IGSF21: variants seen among roughly 807,000 people sequenced by gnomAD.
IGSF21 encodes immunoglobin superfamily member 21.
Under a neutral mutation model 46.8 loss-of-function variants are expected in IGSF21, and 28 were observed. That is an observed-to-expected ratio of 0.60 (90% CI 0.44 to 0.82). The LOEUF is 0.82. Among genes scored for constraint, IGSF21 ranks in the 40% least tolerant of loss-of-function variants. The pLI is 0.00. For synonymous variants in IGSF21, 284 were observed against 273.6 expected (o/e 1.04, Z -0.38); for missense variants, 624 against 665.5 (o/e 0.94, Z 0.69).
intron 1 of IGSF21, among the ~76,000 whole-genome samples, chr1:18,144,729 C>T (rs906450354): frequency 6.6e-6 from 1 of 151,992 alleles, no homozygotes; most frequent in Admixed American, 6.6e-5. Context: ...CAGAACCTCC[C>T]CCTTGTGTCA....
At position 18,365,452 on chromosome 1, in the gene IGSF21, T is replaced by C. The variant is rs1569885128; in HGVS notation, c.770T>C (p.Leu257Pro). The change falls in exon 6 of 10, where the codon CTC becomes CCC. Residue 257 changes from leucine to proline, a missense_variant. Leu to Pro is a moderately conservative substitution (Grantham distance 98). Coordinates refer to ENST00000251296, the MANE Select transcript of IGSF21 (RefSeq NM_032880.5). This position sits in a 1 kb window ranked among gnomAD's most constrained non-coding sequence, Gnocchi z 4.8. The part of the protein sequence containing the change: ...SRGLTPDPNI[L>P]LQPTTENIPE... ...GGCCTGACCCCAGATCCCAACATCCTCCTCCAGCCAACCACAGAGAACATA... is the reference window on the plus strand; with the variant it reads ...GGCCTGACCCCAGATCCCAACATCCCCCTCCAGCCAACCACAGAGAACATA... 6.2e-7 allele frequency: 1 copy of C among 1,613,444 alleles called. No homozygotes were observed. Among genetic ancestry groups the C allele is most frequent in the Non-Finnish European group, 8.5e-7 (1 of 1,179,890 alleles).
chr1:18,129,814 T>C (rs1449523679), intron 1 of IGSF21, among the ~76,000 whole-genome samples: 2 of 152,152 alleles, frequency 1.3e-5, no homozygotes, highest in African/African-American at 4.8e-5. Context: ...GGTGATTAGG[T>C]CACGCGGGCT....
At chr1:18,240,032 C>T (rs1022069703) in intron 2 of IGSF21, among the ~76,000 whole-genome samples, 1 of 152,198 alleles carries the variant, frequency 6.6e-6, no homozygotes, top group Non-Finnish European at 1.5e-5. Context: ...AATCCCAGCA[C>T]TTTGGAAAGC....
At chr1:18,373,522 G>A (rs1164938760) in intron 6 of IGSF21, among the ~76,000 whole-genome samples, 1 of 152,172 alleles carries the variant, frequency 6.6e-6, no homozygotes, top group African/African-American at 2.4e-5. Flanking sequence ...ACCATCGGCT[G>A]CAAACGCACT....
At chr1:18,152,683 GC>G (rs1175196302) in intron 1 of IGSF21, among the ~76,000 whole-genome samples, 1 of 152,130 alleles carries the variant, frequency 6.6e-6, no homozygotes, top group Non-Finnish European at 1.5e-5. Flanking sequence ...TCACTATGGA[GC>G]TTGGTCTCTG....
chr1:18,166,409 T>A (rs528168225), intron 1 of IGSF21, among the ~76,000 whole-genome samples: 1 of 152,142 alleles, frequency 6.6e-6, no homozygotes, highest in Non-Finnish European at 1.5e-5. Context: ...TTGACCTCCC[T>A]GGCCTGAAGT....
chr1:18,257,580 T>G (rs223183), intron 2 of IGSF21, among the ~76,000 whole-genome samples: 65,331 of 151,838 alleles, frequency 0.43, 15,176 homozygotes, highest in African/African-American at 0.61. Flanking sequence ...TTTCTAGGAT[T>G]CCTGATGCAC....
At chr1:18,253,291 T>A (rs1159387138) in intron 2 of IGSF21, among the ~76,000 whole-genome samples, 1 of 152,226 alleles carries the variant, frequency 6.6e-6, no homozygotes, top group African/African-American at 2.4e-5. Context: ...TCCTGAGTCA[T>A]CTGATGGGCT....
intron 1 of IGSF21, among the ~76,000 whole-genome samples, chr1:18,130,178 T>G (rs1172110603): frequency 1.3e-5 from 2 of 151,984 alleles, no homozygotes; most frequent in African/African-American, 4.8e-5. Context: ...CCCAACCCCA[T>G]CCCACAAAAG....
At chr1:18,111,870 C>G (rs1011289081) in intron 1 of IGSF21, 1 of 152,206 alleles carries the variant, frequency 6.6e-6, no homozygotes, top group African/African-American at 2.4e-5. Context: ...TCTCTCTGGC[C>G]GCAAAGAATC....
At chr1:18,312,406 C>A (rs182090682) in intron 3 of IGSF21, among the ~76,000 whole-genome samples, 6 of 152,298 alleles carry the variant, frequency 3.9e-5, no homozygotes, top group Non-Finnish European at 7.4e-5. Context: ...TAGCAAATCG[C>A]CACCAACTTA....
chr1:18,235,889 G>C (rs917516787), intron 2 of IGSF21, among the ~76,000 whole-genome samples: 1 of 152,164 alleles, frequency 6.6e-6, no homozygotes, highest in Non-Finnish European at 1.5e-5. Context: ...ACAGTGGTTT[G>C]GTTGACTACC....
intron 4 of IGSF21, among the ~76,000 whole-genome samples, chr1:18,357,898 G>C (rs753920154): frequency 6.6e-6 from 1 of 152,142 alleles, no homozygotes; most frequent in Admixed American, 6.5e-5. Flanking sequence ...CTATGTCATC[G>C]TCCATACAAC....
chr1:18,155,382 T>C (rs1293823355), intron 1 of IGSF21, among the ~76,000 whole-genome samples: 3 of 152,108 alleles, frequency 2.0e-5, no homozygotes. Context: ...ATCTGTAAAA[T>C]GGGGATAAGG....
chr1:18,252,553 A>T (rs1214720225), intron 2 of IGSF21, among the ~76,000 whole-genome samples: 1 of 152,182 alleles, frequency 6.6e-6, no homozygotes, highest in Non-Finnish European at 1.5e-5. Context: ...CCTGTCTATG[A>T]AGTCAAGTGA....
At position 18,322,132 on chromosome 1, in the gene IGSF21, C is replaced by A. The variant is rs1453240290; in HGVS notation, c.306-12760C>A. ...GCTTTCCCTGAGAATTGAATGAGAT[C>A]AGTTTTCAGTGCCTCGCACAGGGTC... On this transcript the variant is annotated intron_variant, in intron 3 of 9. Transcript: ENST00000251296. The surrounding 1 kb of genome is among the most constrained non-coding windows in gnomAD (Gnocchi z 4.3). Among the ~76,000 whole-genome samples the A allele has an allele frequency of 6.6e-6, 1 of 152,136 alleles. No homozygotes were observed. Among genetic ancestry groups the A allele is most frequent in the Non-Finnish European group, 1.5e-5 (1 of 68,032 alleles).
intron 1 of IGSF21, among the ~76,000 whole-genome samples, chr1:18,173,711 T>G (rs1019174868): frequency 6.6e-6 from 1 of 152,220 alleles, no homozygotes; most frequent in African/African-American, 2.4e-5. Context: ...GATGTGGATT[T>G]GAGTTTTATT....
chr1:18,226,898 C>T (rs1441049763), intron 1 of IGSF21, among the ~76,000 whole-genome samples: 3 of 152,180 alleles, frequency 2.0e-5, no homozygotes, highest in African/African-American at 4.8e-5. Flanking sequence ...AGGTTCCCCT[C>T]GGAACTGCGG....
chr1:18,359,338 A>AAGAAAG (rs1195025223), intron 4 of IGSF21, among the ~76,000 whole-genome samples: 1 of 35,336 alleles, frequency 2.8e-5, no homozygotes, highest in African/African-American at 9.6e-5. Context: ...AAGAGAAAGA[A>AAGAAAG]AAAGAAAGAA....
Sources: allele counts gnomAD v4.1 joint callset (sites outside exome capture counted in the v4.1 genomes callset), GRCh38; gene constraint gnomAD v4.1.1; non-coding constraint Gnocchi (gnomAD v3.1); transcripts MANE v1.5; gene names NCBI Gene and HGNC (gene_info 2026-07-23, HGNC 2026-07-21).